BRD8: variants seen among roughly 807,000 people sequenced by gnomAD.
BRD8 encodes bromodomain containing 8, also known as bromodomain-containing protein 8.
A neutral mutation model predicts 143.1 loss-of-function variants in BRD8; 67 were observed. That is an observed-to-expected ratio of 0.47 (90% CI 0.38 to 0.57). The LOEUF is 0.57. Among genes scored for constraint, BRD8 ranks in the 20% least tolerant of loss-of-function variants. BRD8 has a pLI of 0.00. For missense variants in BRD8, 1,103 were observed against 1,503.0 expected, an observed-to-expected ratio of 0.73 and a Z score of 4.40; for synonymous variants, 505 against 517.1, an observed-to-expected ratio of 0.98 and a Z score of 0.32.
intron 7 of BRD8, among the ~76,000 whole-genome samples, chr5:138,169,944 A>G (rs1009774149): frequency 6.6e-6 from 1 of 152,226 alleles, no homozygotes; most frequent in African/African-American, 2.4e-5. Context: ...GTGCAGCAAG[A>G]GCAAAACTCC....
In BRD8 at chr5:138,140,027, C is replaced by T. The variant is rs776864446; in HGVS notation, c.*47G>A. Reference sequence around the variant, plus strand: ...CCAGGATCCTCTCTAGGTCAGAGTTCCGGGAGAGATTCAAACTCTAGAAAA... The same window carrying T: ...CCAGGATCCTCTCTAGGTCAGAGTTTCGGGAGAGATTCAAACTCTAGAAAA... On this transcript the variant is annotated 3_prime_UTR_variant, in exon 27 of 27. Coordinates refer to ENST00000254900, the MANE Select transcript of BRD8 (RefSeq NM_139199.2). The T allele has an allele frequency of 6.9e-7, 1 of 1,459,750 alleles. No individual in the cohort carries two copies. The allele number at this position is 1,459,750 out of a possible 1,614,324, so 90.4% of individuals were successfully genotyped here.
rs866842031 is a variant in BRD8 at position 138,159,532 on chromosome 5, C to T, written c.2577+23G>A. On this transcript the variant is annotated intron_variant, in intron 20 of 26. Coordinates refer to ENST00000254900, the MANE Select transcript of BRD8 (RefSeq NM_139199.2). ...TGAGAATCTTTGTGGCAACACCACCCCTTGCAGCCATTCAATACTTACAAA... is the reference window on the plus strand; with the variant it reads ...TGAGAATCTTTGTGGCAACACCACCTCTTGCAGCCATTCAATACTTACAAA... 4 of 1,613,196 alleles carry T rather than the reference C, an allele frequency of 2.5e-6. No individual in the cohort carries two copies. In the Middle Eastern group the frequency reaches 5.0e-4, roughly 200 times the overall value.
At chr5:138,157,583 AAAAG>A (rs1752690958) in intron 20 of BRD8, 2 of 328,394 alleles carry the variant, frequency 6.1e-6, no homozygotes, top group Non-Finnish European at 1.1e-5. Context: ...GCAGGAGAGT[AAAAG>A]AAAGGTAGGA....
Position 138,170,887 on chromosome 5 carries a change from T to C in BRD8, c.385A>G (p.Ile129Val). ...CTGCTGTCCATGTGTCCAGCTTGAA[T>C]TAGTTCTGCATCTCTCTTTAGCCGT... ...YRRLKRDAEL[I>V]QAGHMDSRLD... is the part of the protein sequence containing the mutation. The change falls in exon 6 of 27, where the codon ATT (isoleucine) becomes GTT (valine). Residue 129 changes from isoleucine (I) to valine (V), a missense_variant. Ile to Val is a conservative substitution (Grantham distance 29). Coordinates refer to ENST00000254900, the MANE Select transcript of BRD8 (RefSeq NM_139199.2). 2 of 1,614,192 alleles carry C rather than the reference T, an allele frequency of 1.2e-6. No individual in the cohort carries two copies. The highest frequency in any genetic ancestry group is 1.7e-6 in the Non-Finnish European group (2 of 1,180,022).
intron 23 of BRD8, among the ~76,000 whole-genome samples, chr5:138,147,212 G>A (rs1053139706): frequency 8.6e-5 from 13 of 151,002 alleles, no homozygotes; most frequent in African/African-American, 2.4e-4. Context: ...AGGTGGGATT[G>A]CTTGAAGCCA....
rs747130532 is a variant in BRD8 at position 138,170,841 on chromosome 5, T to C, written c.431A>G (p.Asp144Gly). 4 of 1,612,266 alleles carry C rather than the reference T, an allele frequency of 2.5e-6. No homozygotes were observed. The Admixed American group carries it at 6.7e-5, about 27-fold the overall frequency. ...ATATAATATAACCCACGTTGCAATGTCATTGCAAAGCTCATCCAGTCTGCT... is the reference window on the plus strand; with the variant it reads ...ATATAATATAACCCACGTTGCAATGCCATTGCAAAGCTCATCCAGTCTGCT... ...MDSRLDELCN[D>G]IATKKKLEEE... Residue 144 changes from aspartate (D) to glycine (G), a missense_variant, in exon 6 of 27, where the codon GAC (aspartate) becomes GGC (glycine). Physicochemically the swap from Asp to Gly is moderately conservative, Grantham distance 94. Transcript: ENST00000254900.
chr5:138,159,629 G>C (rs747522557), intron 19 of BRD8, 30 bp from the exon 20 acceptor site: 1 of 1,611,754 alleles, frequency 6.2e-7, no homozygotes, highest in South Asian at 1.1e-5. Flanking sequence ...CACTGATCAG[G>C]TTCCACAGAA....
intron 23 of BRD8, 123 bp downstream of exon 23, chr5:138,149,517 T>C (rs553820952): frequency 2.4e-5 from 19 of 776,400 alleles, no homozygotes; most frequent in Admixed American, 1.4e-4. Context: ...CTTAATTAAT[T>C]ATATTTTTTG....
At position 138,170,831 on chromosome 5, in the gene BRD8, C is replaced by T; in HGVS notation, c.440+1G>A. 1.2e-6 allele frequency: 2 copies of T among 1,612,476 alleles called. No homozygotes were observed. The highest frequency in any genetic ancestry group is 8.5e-7 in the Non-Finnish European group (1 of 1,178,520). Reference sequence around the variant, plus strand: ...CAGAAGAACAATATAATATAACCCACGTTGCAATGTCATTGCAAAGCTCAT... The same window carrying T: ...CAGAAGAACAATATAATATAACCCATGTTGCAATGTCATTGCAAAGCTCAT... On this transcript the variant is annotated splice_donor_variant, in intron 6 of 26. Coordinates refer to ENST00000254900, the MANE Select transcript of BRD8 (RefSeq NM_139199.2). LOFTEE classifies it high-confidence loss of function.
intron 9 of BRD8, 22 bp from the exon 10 acceptor site, chr5:138,166,749 A>G (rs1164024595): frequency 5.6e-6 from 8 of 1,419,418 alleles, no homozygotes; most frequent in Non-Finnish European, 7.9e-6. Context: ...AGAGGTACAC[A>G]AAATGAAGTA....
intron 21 of BRD8, 62 bp from the exon 22 acceptor site, chr5:138,151,070 C>T: frequency 6.4e-7 from 1 of 1,554,220 alleles, no homozygotes; most frequent in South Asian, 1.2e-5. Flanking sequence ...ATCCACATAT[C>T]AACAATGCCA....
chr5:138,154,293 T>C (rs1179081458), intron 20 of BRD8, among the ~76,000 whole-genome samples: 1 of 152,196 alleles, frequency 6.6e-6, no homozygotes, highest in Non-Finnish European at 1.5e-5. Flanking sequence ...TCCTTATTCC[T>C]TAGTATAATC....
intron 2 of BRD8, among the ~76,000 whole-genome samples, chr5:138,172,521 C>CAAAAAAAAAAA (rs10547758): frequency 4.1e-5 from 1 of 24,680 alleles, no homozygotes; most frequent in Non-Finnish European, 7.0e-5. Context: ...GACTCCATCT[C>CAAAAAAAAAAA]AAAAAAAAAA....
chr5:138,169,291 AG>A lies in BRD8; in HGVS notation c.572del (p.Ser191LeufsTer13). On this transcript the variant is annotated frameshift_variant, in exon 8 of 27. Transcript: ENST00000254900. LOFTEE classifies it high-confidence loss of function. ...GTGGATAATCACCTCCTGGGGAGGC[AG>A]AATCTATAGGAGAGCGAACCATCAC... is the stretch of plus-strand genomic sequence containing the variant. ...PTVMVRSPID[S>X]ASPGGDYPLG... 6.2e-7 allele frequency: 1 copy of A among 1,614,152 alleles called. No homozygotes were observed. Among genetic ancestry groups the A allele is most frequent in the South Asian group, 1.1e-5 (1 of 91,084 alleles).
chr5:138,170,030 T>C (rs1561617840), intron 7 of BRD8, among the ~76,000 whole-genome samples: 1 of 152,222 alleles, frequency 6.6e-6, no homozygotes, highest in Non-Finnish European at 1.5e-5. Flanking sequence ...GAGTTGTAAA[T>C]GCTTAAATTT....
chr5:138,166,797 A>G (rs759714502), intron 9 of BRD8, 70 bp from the exon 10 acceptor site: 1 of 907,872 alleles, frequency 1.1e-6, no homozygotes, highest in Non-Finnish European at 1.8e-6. Context: ...TAGCTACTTG[A>G]AGACTCAACT....
At position 138,147,761 on chromosome 5, in the gene BRD8, C is replaced by T. The variant is rs771780404; in HGVS notation, c.3278+1879G>A. On this transcript the variant is annotated intron_variant, in intron 23 of 26. Transcript: ENST00000254900. ...GACCAGTCTGGTCAATGTGATGAAA[C>T]CCTGTCTCTAACAAAAATACAAAAA... 3.9e-5 allele frequency among the ~76,000 whole-genome samples: 6 copies of T among 152,140 alleles called. No homozygotes were observed. In the South Asian group the frequency reaches 1.2e-3, roughly 32 times the overall value.
intron 7 of BRD8, among the ~76,000 whole-genome samples, chr5:138,170,129 T>TGTCC (rs1753750469): frequency 1.3e-5 from 2 of 152,258 alleles, no homozygotes; most frequent in African/African-American, 4.8e-5. Flanking sequence ...CAAGCCTTTG[T>TGTCC]GTCCTGAAGT....
chr5:138,148,588 CAAAATCCT>C (rs1752256664), intron 23 of BRD8, among the ~76,000 whole-genome samples: 1 of 151,914 alleles, frequency 6.6e-6, no homozygotes, highest in Non-Finnish European at 1.5e-5. Context: ...AGGCTAGTCT[CAAAATCCT>C]GAGCTCAAGC....
Sources: gnomAD v4.1 joint callset for allele counts (sites outside exome capture counted in the v4.1 genomes callset) on GRCh38, gnomAD v4.1.1 for gene constraint, MANE v1.5 for transcripts, NCBI Gene and HGNC (gene_info 2026-07-23, HGNC 2026-07-21) for gene names.